FOCAD: variants seen among roughly 807,000 people sequenced by gnomAD.
The protein encoded by FOCAD is KIAA1797.
In FOCAD, 198 loss-of-function variants were observed where a neutral mutation model predicts 225.6. The observed-to-expected ratio is 0.88, with a 90% CI of 0.78 to 0.99. The LOEUF is 0.99. Ranked by LOEUF, FOCAD falls within the 50% of genes least tolerant of loss-of-function variation. The pLI, the probability that FOCAD is intolerant of heterozygous loss-of-function variation, is 0.00. For missense variants in FOCAD, 2,713 were observed against 2,123.6 expected (o/e 1.28, Z -5.46); for synonymous variants, 897 against 755.0 (o/e 1.19, Z -3.08).
At chr9:20,808,094 G>C (rs953977683) in intron 11 of FOCAD, among the ~76,000 whole-genome samples, 2 of 152,028 alleles carry the variant, frequency 1.3e-5, no homozygotes, top group African/African-American at 4.8e-5. Flanking sequence ...GTTTTACTTA[G>C]CTGGAAATAG....
intron 15 of FOCAD, among the ~76,000 whole-genome samples, chr9:20,849,856 T>G (rs1252769562): frequency 1.3e-5 from 2 of 151,918 alleles, no homozygotes; most frequent in African/African-American, 4.8e-5. Flanking sequence ...AGAAGGCCTA[T>G]CTCTACTTGT....
chr9:20,742,012 T>G (rs1194147623), intron 5 of FOCAD, among the ~76,000 whole-genome samples: 1 of 152,218 alleles, frequency 6.6e-6, no homozygotes, highest in Admixed American at 6.5e-5. Context: ...TATGATTCAG[T>G]GACTTTTACT....
intron 1 of FOCAD, among the ~76,000 whole-genome samples, chr9:20,689,012 G>T (rs886156133): frequency 1.4e-4 from 22 of 152,188 alleles, no homozygotes; most frequent in Non-Finnish European, 1.5e-5. Context: ...TGGTCAGAGT[G>T]ATGGAATGTG....
chr9:20,923,338 A>T (rs562407179), intron 24 of FOCAD, among the ~76,000 whole-genome samples: 2 of 152,314 alleles, frequency 1.3e-5, no homozygotes, highest in East Asian at 3.9e-4. Context: ...GCCAAAGATG[A>T]CACAGAAGAG....
intron 22 of FOCAD, 68 bp from the exon 23 acceptor site, chr9:20,912,798 T>A (rs2132056925): frequency 7.6e-7 from 1 of 1,323,340 alleles, no homozygotes. Flanking sequence ...ATCTGTGTTT[T>A]CCAAAGAAAT....
intron 27 of FOCAD, among the ~76,000 whole-genome samples, chr9:20,929,976 A>G (rs1835313127): frequency 6.6e-6 from 1 of 152,190 alleles, no homozygotes; most frequent in South Asian, 2.1e-4. Flanking sequence ...TTTTGTTGAT[A>G]TCATTGAAAA....
intron 15 of FOCAD, among the ~76,000 whole-genome samples, chr9:20,842,588 C>T (rs1356841281): frequency 2.0e-5 from 3 of 151,880 alleles, no homozygotes; most frequent in Non-Finnish European, 4.4e-5. Context: ...TTTCCATCCC[C>T]TTTATTTCAG....
At chr9:20,818,454 A>G (rs1036972954) in intron 11 of FOCAD, among the ~76,000 whole-genome samples, 1 of 152,092 alleles carries the variant, frequency 6.6e-6, no homozygotes, top group Non-Finnish European at 1.5e-5. Flanking sequence ...AATGTTACAA[A>G]GACTTAATCC....
intron 10 of FOCAD, among the ~76,000 whole-genome samples, chr9:20,787,917 TG>T: frequency 6.6e-6 from 1 of 152,358 alleles, no homozygotes; most frequent in South Asian, 2.1e-4. Context: ...CTTCCTCATT[TG>T]TTTTTACTGT....
In FOCAD at chr9:20,837,619, C is replaced by A. The variant is rs78992664; in HGVS notation, c.1920+14504C>A. Among the ~76,000 whole-genome samples, 204 of 151,814 alleles carry A rather than the reference C, an allele frequency of 1.3e-3. 1 individual carries two copies. In the East Asian group the frequency reaches 0.033, roughly 24 times the overall value. On this transcript the variant is annotated intron_variant, in intron 15 of 43. Coordinates refer to ENST00000338382, the MANE Select transcript of FOCAD (RefSeq NM_001375567.1). ...AGAGTCACTGAAGTAGGGCAGTAGA[C>A]AAAATGACGTTAATGTTTTGAAAAG...
At position 20,950,881 on chromosome 9, in the gene FOCAD, C is replaced by T. The variant is rs559796236; in HGVS notation, c.3949-115C>T. Reference sequence around the variant, plus strand: ...TATTACATCTTGTCATAGGACTGCTCGTTGCCAGCCAAGCCACCACCTCCT... The same window carrying T: ...TATTACATCTTGTCATAGGACTGCTTGTTGCCAGCCAAGCCACCACCTCCT... On this transcript the variant is annotated intron_variant, in intron 33 of 43. Coordinates refer to ENST00000338382, the MANE Select transcript of FOCAD (RefSeq NM_001375567.1). 25 of 800,350 alleles carry T rather than the reference C, an allele frequency of 3.1e-5. No homozygotes were observed. The East Asian group carries it at 4.9e-4, about 16-fold the overall frequency. 49.6% of individuals were successfully genotyped at this position (800,350 alleles called of 1,614,324 possible).
At chr9:20,964,077 A>G (rs767625461) in intron 35 of FOCAD, among the ~76,000 whole-genome samples, 1 of 152,104 alleles carries the variant, frequency 6.6e-6, no homozygotes. Flanking sequence ...TTACAATAGC[A>G]GGGGTTGGCC....
At chr9:20,751,822 G>A (rs1360479892) in intron 5 of FOCAD, among the ~76,000 whole-genome samples, 2 of 146,572 alleles carry the variant, frequency 1.4e-5, no homozygotes, top group East Asian at 2.0e-4. Context: ...AGCACCTGTT[G>A]TTTCCTGACT....
Position 20,770,003 on chromosome 9 carries a change from T to A in FOCAD, c.700-29T>A, listed in dbSNP as rs761635300. ...ATTATCTTTTGGTTTGTGTATTTTT[T>A]AATATCATATAATGACTTTTTTAAA... On this transcript the variant is annotated intron_variant, in intron 7 of 43. Coordinates refer to ENST00000338382, the MANE Select transcript of FOCAD (RefSeq NM_001375567.1). 3.9e-5 allele frequency: 62 copies of A among 1,571,244 alleles called. No homozygotes were observed. In the South Asian group the frequency reaches 6.5e-4, roughly 16 times the overall value.
At chr9:20,894,153 G>A (rs2131928533) in intron 21 of FOCAD, among the ~76,000 whole-genome samples, 1 of 152,150 alleles carries the variant, frequency 6.6e-6, no homozygotes, top group Non-Finnish European at 1.5e-5. Context: ...CAGACTGGCT[G>A]ATTTCACTTA....
In FOCAD at chr9:20,764,901, C is replaced by G. The variant is rs759440832; in HGVS notation, c.527C>G (p.Pro176Arg). 6.2e-7 allele frequency: 1 copy of G among 1,613,948 alleles called. No homozygotes were observed. The highest frequency in any genetic ancestry group is 8.5e-7 in the Non-Finnish European group (1 of 1,179,970). The change falls in exon 7 of 44, where the codon CCA becomes CGA. Residue 176 changes from proline (P) to arginine (R), a missense_variant. By Grantham distance (103) the Pro-to-Arg change is moderately radical. Coordinates refer to ENST00000338382, the MANE Select transcript of FOCAD (RefSeq NM_001375567.1). ...LEVSCIQIMA[P>R]FLWYLYCEPS... ...GTTTCATGCATTCAAATAATGGCACCATTTCTGTGGTATCTGTATTGTGAA... is the reference window on the plus strand; with the variant it reads ...GTTTCATGCATTCAAATAATGGCACGATTTCTGTGGTATCTGTATTGTGAA...
intron 4 of FOCAD, among the ~76,000 whole-genome samples, chr9:20,737,404 T>G (rs1207509180): frequency 6.6e-6 from 1 of 152,228 alleles, no homozygotes; most frequent in East Asian, 1.9e-4. Context: ...AAGGATTATT[T>G]AATGAATTTG....
At chr9:20,680,012 C>T (rs928188277), upstream of FOCAD, among the ~76,000 whole-genome samples, 1 of 152,202 alleles carries the variant, frequency 6.6e-6, no homozygotes, top group African/African-American at 2.4e-5. Flanking sequence ...ACATCTGCAT[C>T]AGATGTAGGT....
At chr9:20,763,343 C>G (rs536649969) in intron 6 of FOCAD, among the ~76,000 whole-genome samples, 11 of 152,224 alleles carry the variant, frequency 7.2e-5, no homozygotes, top group African/African-American at 2.2e-4. Context: ...GTAATCTCAG[C>G]TACTTGGGAG....
Sources: gnomAD v4.1 joint callset for allele counts (sites outside exome capture counted in the v4.1 genomes callset) on GRCh38, gnomAD v4.1.1 for gene constraint, MANE v1.5 for transcripts, NCBI Gene and HGNC (gene_info 2026-07-23, HGNC 2026-07-21) for gene names.